Variants in THOC5 observed in about 807,000 individuals in gnomAD.
THOC5 encodes the protein THO complex subunit 5.
In THOC5, 43 loss-of-function variants were observed where a neutral mutation model predicts 92.9. The ratio of observed to expected loss-of-function variants is 0.46; its 90% CI spans 0.36 to 0.60. The LOEUF is 0.60. Among genes scored for constraint, THOC5 ranks in the 20% least tolerant of loss-of-function variants. The probability of loss-of-function intolerance (pLI) is 0.00; values close to 1 mark genes in which losing one functional copy is unlikely to be tolerated. For missense variants in THOC5, 659 were observed against 849.4 expected (o/e 0.78, Z 2.79); for synonymous variants, 296 against 320.1 (o/e 0.92, Z 0.80).
At chr22:29,550,575 T>A (rs959087047) in intron 1 of THOC5, among the ~76,000 whole-genome samples, 2 of 151,996 alleles carry the variant, frequency 1.3e-5, no homozygotes, top group African/African-American at 4.8e-5. Context: ...ATCCCCGACT[T>A]GAGGGAGCCA....
chr22:29,517,344 G>A lies in THOC5; in HGVS notation c.1512C>T (p.Thr504=). 1 of 1,614,102 alleles carries A rather than the reference G, an allele frequency of 6.2e-7. No individual in the cohort carries two copies. Among genetic ancestry groups the A allele is most frequent in the African/African-American group, 1.3e-5 (1 of 75,034 alleles). Residue 504 remains threonine, a synonymous_variant, in exon 16 of 20, where the codon ACC becomes ACT. Coordinates refer to ENST00000490103, the MANE Select transcript of THOC5 (RefSeq NM_003678.5). The part of the protein sequence containing the change: ...ASLEHGIVPV[T]SDCQYLFPAK... ...CAGGGAAGAGGTACTGGCAATCACT[G>A]GTAACTGGCACAATGCCATGTTCTA...
At chr22:29,537,198 C>A (rs900030238) in intron 6 of THOC5, among the ~76,000 whole-genome samples, 1 of 152,218 alleles carries the variant, frequency 6.6e-6, no homozygotes, top group Non-Finnish European at 1.5e-5. Context: ...CATGGACTGG[C>A]CTGGTTAGCA....
At chr22:29,544,342 A>G in intron 3 of THOC5, 118 bp downstream of exon 3, 4 of 1,117,256 alleles carry the variant, frequency 3.6e-6, no homozygotes, top group Non-Finnish European at 4.9e-6. Flanking sequence ...CTCAGGCTCC[A>G]ATCACCTGAT....
chr22:29,519,924 G>T, intron 14 of THOC5, 84 bp downstream of exon 14: 1 of 1,134,360 alleles, frequency 8.8e-7, no homozygotes, highest in Non-Finnish European at 1.3e-6. Context: ...ATGAGCCACC[G>T]CACCTGGCCT....
At chr22:29,512,562 T>TC (rs2063245958) in intron 17 of THOC5, among the ~76,000 whole-genome samples, 1 of 152,248 alleles carries the variant, frequency 6.6e-6, no homozygotes, top group Non-Finnish European at 1.5e-5. Flanking sequence ...TCTATTTTCT[T>TC]CATTTGATTT....
intron 12 of THOC5, among the ~76,000 whole-genome samples, chr22:29,524,340 C>G (rs916629186): frequency 4.6e-5 from 7 of 152,190 alleles, no homozygotes; most frequent in Non-Finnish European, 8.8e-5. Flanking sequence ...CAAGTGCTTC[C>G]TCTATGCTAA....
Position 29,531,468 on chromosome 22 carries a change from C to T in THOC5, c.847+363G>A, listed in dbSNP as rs1461260184. The T allele has an allele frequency of 4.9e-6, 5 of 1,030,532 alleles. No individual in the cohort carries two copies. In the African/African-American group the frequency reaches 6.8e-5, roughly 14 times the overall value. The allele number at this position is 1,030,532 out of a possible 1,614,324, so 63.8% of individuals were successfully genotyped here. On this transcript the variant is annotated intron_variant, in intron 8 of 19. Transcript: ENST00000490103. ...GGGAGAGCTGGCTGAGACCTGTATT[C>T]ACCAGGCACCCCCACCCTGAAGCAG...
chr22:29,551,648 G>A (rs2064146386), intron 1 of THOC5, among the ~76,000 whole-genome samples: 1 of 152,124 alleles, frequency 6.6e-6, no homozygotes, highest in African/African-American at 2.4e-5. Context: ...CTACTCTGGA[G>A]GCTAGGGTGG....
In THOC5 at chr22:29,519,259, G is replaced by T. The variant is rs111649427; in HGVS notation, c.1375-139C>A. 9.7e-5 allele frequency: 52 copies of T among 536,206 alleles called. 1 individual carries two copies. The South Asian group carries it at 1.0e-3, about 10-fold the overall frequency. 33.2% of individuals were successfully genotyped at this position (536,206 alleles called of 1,614,324 possible). A position where few individuals can be genotyped will look rare whatever the true frequency, so the allele number is the denominator to read the frequency against. On this transcript the variant is annotated intron_variant, in intron 14 of 19. Coordinates refer to ENST00000490103, the MANE Select transcript of THOC5 (RefSeq NM_003678.5). ...ATGGGTACCCTTTAGACATGGCAAG[G>T]TTTATCTGCTATGACAGGCCAGACG...
intron 12 of THOC5, among the ~76,000 whole-genome samples, 161 bp from the exon 13 acceptor site, chr22:29,521,260 T>C (rs2063436164): frequency 6.6e-6 from 1 of 152,180 alleles, no homozygotes; most frequent in Non-Finnish European, 1.5e-5. Flanking sequence ...CTTGAGGTCA[T>C]TGCATCCTTA....
chr22:29,543,601 G>A, intron 3 of THOC5, 59 bp from the exon 4 acceptor site: 1 of 1,366,414 alleles, frequency 7.3e-7, no homozygotes, highest in Non-Finnish European at 1.0e-6. Context: ...GCTTCCTTCA[G>A]TCCTTCACCA....
At chr22:29,516,910 T>G in intron 17 of THOC5, 119 bp downstream of exon 17, 1 of 886,972 alleles carries the variant, frequency 1.1e-6, no homozygotes, top group Non-Finnish European at 1.8e-6. Flanking sequence ...CTCACGATCA[T>G]TATTATCTGT....
chr22:29,544,361 G>A (rs1383142960), intron 3 of THOC5, 99 bp downstream of exon 3: 4 of 1,341,470 alleles, frequency 3.0e-6, no homozygotes, highest in Non-Finnish European at 3.0e-6. Context: ...ATCATGGCTA[G>A]GACAGAAGAT....
At chr22:29,516,147 G>GA (rs57982377) in intron 17 of THOC5, among the ~76,000 whole-genome samples, 34,008 of 121,740 alleles carry the variant, frequency 0.28, 4,611 homozygotes, top group East Asian at 0.31. Flanking sequence ...TATCTCTACT[G>GA]AAAAAAAAAA....
chr22:29,551,943 G>A (rs574851631), intron 1 of THOC5, among the ~76,000 whole-genome samples: 61 of 152,132 alleles, frequency 4.0e-4, no homozygotes, highest in African/African-American at 1.3e-3. Flanking sequence ...GCGCCGCCAC[G>A]CCTGACTGGT....
rs548220551 is a variant in THOC5, at chr22:29,528,837, G to A, written c.925+325C>T. 5.5e-5 allele frequency: 27 copies of A among 492,170 alleles called. No homozygotes were observed. In the East Asian group the frequency reaches 6.5e-4, roughly 12 times the overall value. The allele number at this position is 492,170 out of a possible 1,614,324, so 30.5% of individuals were successfully genotyped here. ...TGTGCTGAGAATTATGCTAAAGGCT[G>A]TATGTGCATTACCTTATTTAATCCA... On this transcript the variant is annotated intron_variant, in intron 9 of 19. Transcript: ENST00000490103.
Position 29,536,617 on chromosome 22 carries a change from G to T in THOC5, c.714+7C>A. 1 of 1,572,232 alleles carries T rather than the reference G, an allele frequency of 6.4e-7. No individual in the cohort carries two copies. The highest frequency in any genetic ancestry group is 8.8e-7 in the Non-Finnish European group (1 of 1,141,774). On this transcript the variant is annotated splice_region_variant and intron_variant, in intron 7 of 19. Coordinates refer to ENST00000490103, the MANE Select transcript of THOC5 (RefSeq NM_003678.5). ...TGAAGGCAAAGCAAAAGGCCAGAGG[G>T]CCCCACCTGCATGATGCTGTTGAGG...
chr22:29,542,635 G>A (rs377160409), intron 5 of THOC5, among the ~76,000 whole-genome samples: 1 of 152,114 alleles, frequency 6.6e-6, no homozygotes, highest in East Asian at 1.9e-4. Flanking sequence ...GTGGAGGTGG[G>A]CGCCTGCAAT....
At chr22:29,553,194 T>C (rs1323465745) in intron 1 of THOC5, among the ~76,000 whole-genome samples, 1 of 152,192 alleles carries the variant, frequency 6.6e-6, no homozygotes, top group East Asian at 1.9e-4. Flanking sequence ...CCTATGACCC[T>C]GCCAAATCCC....
Sources: allele counts gnomAD v4.1 joint callset (sites outside exome capture counted in the v4.1 genomes callset), GRCh38; gene constraint gnomAD v4.1.1; transcripts MANE v1.5; gene names NCBI Gene and HGNC (gene_info 2026-07-23, HGNC 2026-07-21).